PGC: variants seen among roughly 807,000 people sequenced by gnomAD.
The protein encoded by PGC is progastricsin, also known as gastricsin.
A neutral mutation model predicts 45.9 loss-of-function variants in PGC; 31 were observed. That is an observed-to-expected ratio of 0.67 (90% CI 0.51 to 0.91). PGC has a LOEUF of 0.91. PGC is among the 40% of genes least tolerant of loss of function. The pLI, the probability that PGC is intolerant of heterozygous loss-of-function variation, is 0.00. For synonymous variants in PGC, 192 were observed against 201.8 expected, an observed-to-expected ratio of 0.95 and a Z score of 0.41; for missense variants, 477 against 493.2, an observed-to-expected ratio of 0.97 and a Z score of 0.31.
rs112943090 is a variant in PGC at position 41,742,741 on chromosome 6, C to T, written c.448-252G>A. On this transcript the variant is annotated intron_variant, in intron 4 of 8. Transcript: ENST00000373025. The stretch of plus-strand genomic sequence containing the variant: ...CCTGGTTCTAGCGATTCTCCTGCCT[C>T]AGCCTCCCGAGTAGCTGGGACTGCA... Among the ~76,000 whole-genome samples, 527 of 152,398 alleles carry T rather than the reference C, an allele frequency of 3.5e-3. 5 individuals are homozygous for T. Among genetic ancestry groups the T allele is most frequent in the African/African-American group, 0.012 (497 of 41,598 alleles).
chr6:41,743,619 T>C (rs1356956717), intron 3 of PGC, among the ~76,000 whole-genome samples: 2 of 152,212 alleles, frequency 1.3e-5, no homozygotes. Context: ...GCCTCAGGAC[T>C]GTGGCCTCCC....
chr6:41,744,754 C>T lies in PGC; in HGVS notation c.114G>A (p.Leu38=), dbSNP rs1363914013. 1 of 1,614,122 alleles carries T rather than the reference C, an allele frequency of 6.2e-7. No homozygotes were observed. The highest frequency in any genetic ancestry group is 2.2e-5 in the East Asian group (1 of 44,876). The part of the protein sequence containing the change: ...SIRETMKEKG[L]LGEFLRTHKY... ...TGTGGGTCCTCAGGAACTCCCCCAGCAAGCCCTTCTCCTTCATGGTCTCAC... is the reference window on the plus strand; with the variant it reads ...TGTGGGTCCTCAGGAACTCCCCCAGTAAGCCCTTCTCCTTCATGGTCTCAC... The change falls in exon 2 of 9, where the codon TTG becomes TTA. Residue 38 remains leucine (L), a synonymous_variant. Transcript: ENST00000373025. This position sits in a 1 kb window ranked among gnomAD's most constrained non-coding sequence, Gnocchi z 4.4.
chr6:41,745,549 G>GTTT (rs58088265), intron 1 of PGC, among the ~76,000 whole-genome samples: 6 of 124,950 alleles, frequency 4.8e-5, no homozygotes, highest in Non-Finnish European at 3.4e-5. Flanking sequence ...AGGATATGTA[G>GTTT]TTTTTTTTTT....
In PGC at chr6:41,744,694, G is replaced by C. The variant is rs1343976203; in HGVS notation, c.174C>G (p.Asp58Glu). Residue 58 changes from aspartate (D) to glutamate (E), a missense_variant, in exon 2 of 9, where the codon GAC becomes GAG. Physicochemically the swap from Asp to Glu is conservative, Grantham distance 45 (BLOSUM62 2). Coordinates refer to ENST00000373025, the MANE Select transcript of PGC (RefSeq NM_002630.4). The surrounding 1 kb of genome is among the most constrained non-coding windows in gnomAD (Gnocchi z 4.4). ...CCATGGGCTCGTAGGTCACGCTGAG[G>C]TCACCAAAGCGGTACTTCCAAGCAG... The part of the protein sequence containing the change: ...YDPAWKYRFG[D>E]LSVTYEPMAY... 2 of 1,614,050 alleles carry C rather than the reference G, an allele frequency of 1.2e-6. No individual in the cohort carries two copies. The highest frequency in any genetic ancestry group is 2.7e-5 in the African/African-American group (2 of 74,904).
At chr6:41,745,618 C>T (rs939266213) in intron 1 of PGC, among the ~76,000 whole-genome samples, 1 of 149,542 alleles carries the variant, frequency 6.7e-6, no homozygotes, top group Non-Finnish European at 1.5e-5. Context: ...GGCTTGATCT[C>T]GGCTCACCTC....
chr6:41,738,917 G>T (rs1039697882), intron 7 of PGC, among the ~76,000 whole-genome samples: 2 of 151,892 alleles, frequency 1.3e-5, no homozygotes, highest in African/African-American at 4.8e-5. Flanking sequence ...CCAAGATCAC[G>T]CCATTGCACT....
At chr6:41,745,308 C>T (rs141833675) in intron 1 of PGC, among the ~76,000 whole-genome samples, 1,751 of 151,886 alleles carry the variant, frequency 0.012, 15 homozygotes, top group Non-Finnish European at 0.016. Context: ...GCACAATCTC[C>T]GCTCACTGCA....
intron 6 of PGC, 105 bp from the exon 7 acceptor site, chr6:41,740,051 A>G (rs1771793377): frequency 1.1e-6 from 1 of 934,700 alleles, no homozygotes; most frequent in Non-Finnish European, 1.6e-6. Flanking sequence ...TACTTTCTTG[A>G]GGAAAGTGAG....
rs1771900138 is a variant in PGC at position 41,744,873 on chromosome 6, T to C, written c.60-65A>G. 1 of 1,381,218 alleles carries C rather than the reference T, an allele frequency of 7.2e-7. No homozygotes were observed. The highest frequency in any genetic ancestry group is 1.4e-5 in the African/African-American group (1 of 69,456). The allele number at this position is 1,381,218 out of a possible 1,614,324, so 85.6% of individuals were successfully genotyped here. ...TCCTCTCTTCCCACTCCTCTCTTTC[T>C]CTCTCTCCTTCTCTTAACTGCATGC... On this transcript the variant is annotated intron_variant, in intron 1 of 8. Transcript: ENST00000373025. The surrounding 1 kb of genome is among the most constrained non-coding windows in gnomAD (Gnocchi z 4.4).
chr6:41,745,472 T>C (rs945210845), intron 1 of PGC, among the ~76,000 whole-genome samples: 1 of 151,708 alleles, frequency 6.6e-6, no homozygotes, highest in Non-Finnish European at 1.5e-5. Context: ...TCTCCTGACC[T>C]CGTGACTCGC....
chr6:41,741,755 A>T (rs1771829258), intron 5 of PGC: 2 of 1,475,376 alleles, frequency 1.4e-6, no homozygotes, highest in East Asian at 4.9e-5. Flanking sequence ...TGTCTCACTA[A>T]ATGCCTGCAC....
Position 41,740,685 on chromosome 6 carries a change from C to T in PGC, c.648-75G>A, listed in dbSNP as rs879157872. 2.0e-5 allele frequency: 31 copies of T among 1,517,986 alleles called. No homozygotes were observed. In the South Asian group the frequency reaches 4.0e-4, roughly 19 times the overall value. The allele number at this position is 1,517,986 out of a possible 1,614,324, so 94.0% of individuals were successfully genotyped here. A position where few individuals can be genotyped will look rare whatever the true frequency, so the allele number is the denominator to read the frequency against. ...CTTTCCTCCTGAGCAGTCACCTCCA[C>T]AGGGAAACAGAGCTCCTTCCCTGAT... is the stretch of plus-strand genomic sequence containing the variant. On this transcript the variant is annotated intron_variant, in intron 5 of 8. Transcript: ENST00000373025.
intron 7 of PGC, among the ~76,000 whole-genome samples, chr6:41,738,251 C>T (rs1290844659): frequency 8.6e-5 from 1 of 11,686 alleles, no homozygotes; most frequent in Non-Finnish European, 2.0e-4. Flanking sequence ...TATATATATG[C>T]ATATATATAT....
At position 41,738,226 on chromosome 6, in the gene PGC, G is replaced by GCATATATATATA. The variant is rs1561879966; in HGVS notation, c.916-399_916-398insTATATATATATG. 5.7e-3 allele frequency among the ~76,000 whole-genome samples: 330 copies of GCATATATATATA among 58,324 alleles called. 36 individuals are homozygous for GCATATATATATA. Among genetic ancestry groups the GCATATATATATA allele is most frequent in the African/African-American group, 0.025 (306 of 12,136 alleles). 38.3% of individuals were successfully genotyped at this position (58,324 alleles called of 152,430 possible). ...TGCATATATATATGCATATATATATGCATATATATATGTATATATATATGC... is the reference window on the plus strand; with the variant it reads ...TGCATATATATATGCATATATATATGCATATATATATACATATATATATGTATATATATATGC... On this transcript the variant is annotated intron_variant, in intron 7 of 8. Coordinates refer to ENST00000373025, the MANE Select transcript of PGC (RefSeq NM_002630.4).
At chr6:41,738,202 G>GCATATATATATACATATATATA (rs1771742268) in intron 7 of PGC, among the ~76,000 whole-genome samples, 5 of 63,490 alleles carry the variant, frequency 7.9e-5, no homozygotes, top group Admixed American at 1.4e-4. Context: ...ATATATATAT[G>GCATATATATATACATATATATA]CATATATATA....
chr6:41,744,937 G>A lies in PGC; in HGVS notation c.60-129C>T, dbSNP rs1771901785. On this transcript the variant is annotated intron_variant, in intron 1 of 8. Transcript: ENST00000373025. The surrounding 1 kb of genome is among the most constrained non-coding windows in gnomAD (Gnocchi z 4.4). ...CCACTCTGTTTGTTCCCCCTTGTCT[G>A]TGTGTGTCTTTTTCTCTCTCTCAGC... 5 of 794,260 alleles carry A rather than the reference G, an allele frequency of 6.3e-6. No individual in the cohort carries two copies. The East Asian group carries it at 1.1e-4, about 17-fold the overall frequency. 49.2% of individuals were successfully genotyped at this position (794,260 alleles called of 1,614,324 possible).
In PGC at chr6:41,744,628, A is replaced by G. The variant is rs1771893107; in HGVS notation, c.210+30T>C. The G allele has an allele frequency of 2.5e-6, 4 of 1,612,092 alleles. No homozygotes were observed. ...TTCCCTCCAGCCCACACCAGAGAGA[A>G]GGCTACCGCCAGAAAGGGTCAGGAC... On this transcript the variant is annotated intron_variant, in intron 2 of 8. Coordinates refer to ENST00000373025, the MANE Select transcript of PGC (RefSeq NM_002630.4). The surrounding 1 kb of genome is among the most constrained non-coding windows in gnomAD (Gnocchi z 4.4).
chr6:41,743,453 C>T (rs1397768220), intron 3 of PGC, 64 bp from the exon 4 acceptor site: 4 of 994,760 alleles, frequency 4.0e-6, no homozygotes, highest in Non-Finnish European at 6.5e-6. Flanking sequence ...GCTCTCAGGC[C>T]TGCCGGGTTC....
Position 41,736,989 on chromosome 6 carries a change from T to C in PGC, c.1030A>G (p.Thr344Ala), listed in dbSNP as rs1451511329. ...SYILSNNGYC[T>A]VGVEPTYLSS... ...AGGTAGGTGGGCTCGACTCCCACGG[T>C]GCAGTAGCCGTTGTTCTGCTCAACA... Residue 344 changes from threonine to alanine, a missense_variant, in exon 9 of 9, where the codon ACC becomes GCC. Transcript: ENST00000373025. 54 of 1,613,584 alleles carry C rather than the reference T, an allele frequency of 3.3e-5. No homozygotes were observed. The East Asian group carries it at 1.2e-3, about 36-fold the overall frequency.
Sources: allele counts gnomAD v4.1 joint callset (sites outside exome capture counted in the v4.1 genomes callset), GRCh38; gene constraint gnomAD v4.1.1; non-coding constraint Gnocchi (gnomAD v3.1); transcripts MANE v1.5; gene names NCBI Gene and HGNC (gene_info 2026-07-23, HGNC 2026-07-21).